GPR143: variants seen among roughly 807,000 people sequenced by gnomAD.
GPR143 encodes the protein G protein-coupled receptor 143, also known as G-protein coupled receptor 143.
A neutral mutation model predicts 27.6 loss-of-function variants in GPR143; 8 were observed. That is an observed-to-expected ratio of 0.29 (90% CI 0.17 to 0.52). The LOEUF is 0.52. Ranked by LOEUF, GPR143 falls within the 20% of genes least tolerant of loss-of-function variation. The probability of loss-of-function intolerance (pLI) is 0.96; values close to 1 mark genes in which losing one functional copy is unlikely to be tolerated. For synonymous variants in GPR143, 156 were observed against 153.2 expected (o/e 1.02, Z -0.13); for missense variants, 303 against 343.1 (o/e 0.88, Z 0.92).
chrX:9,753,419 A>G (rs1171561311), intron 3 of GPR143, among the ~76,000 whole-genome samples: 1 of 110,502 alleles, frequency 9.0e-6, no homozygotes, highest in East Asian at 2.8e-4. Flanking sequence ...TGAAAAAAAA[A>G]AAAAAAACCC....
rs567588715 is a variant in GPR143, at chrX:9,736,280, A to T, written c.1120+3205T>A. 4.5e-5 allele frequency among the ~76,000 whole-genome samples: 5 copies of T among 112,170 alleles called. No individual in the cohort carries two copies. In the East Asian group the frequency reaches 8.4e-4, roughly 19 times the overall value. The stretch of plus-strand genomic sequence containing the variant: ...AAAATGTGAGGTGTCCTAGGCAGCA[A>T]ATTAATTTCTGAATAAAAGCCTTTT... On this transcript the variant is annotated intron_variant, in intron 8 of 8. Transcript: ENST00000467482.
At chrX:9,776,976 A>G (rs1390013902) in intron 1 of GPR143, among the ~76,000 whole-genome samples, 1 of 111,562 alleles carries the variant, frequency 9.0e-6, no homozygotes, top group Admixed American at 9.6e-5. Context: ...CAGATGGTAA[A>G]TTCTTCAAAC....
chrX:9,751,495 C>A (rs894939826), intron 3 of GPR143, among the ~76,000 whole-genome samples: 2 of 112,330 alleles, frequency 1.8e-5, no homozygotes, highest in Non-Finnish European at 3.8e-5. Context: ...TCAGCACGTG[C>A]GAAGGTAATA....
At chrX:9,754,507 C>T (rs1003585631) in intron 3 of GPR143, among the ~76,000 whole-genome samples, 1 of 111,566 alleles carries the variant, frequency 9.0e-6, no homozygotes, top group Non-Finnish European at 1.9e-5. Context: ...ACCCTGACTT[C>T]GGGCTGGGCC....
chrX:9,755,814 T>C (rs1368590055), intron 3 of GPR143, among the ~76,000 whole-genome samples: 1 of 112,204 alleles, frequency 8.9e-6, no homozygotes, highest in Admixed American at 9.5e-5. Flanking sequence ...GAGAAATCTC[T>C]ACCTTGTTTA....
upstream of GPR143, chrX:9,765,862 G>A (rs1030871490): frequency 1.3e-5 from 13 of 1,023,828 alleles, no homozygotes; most frequent in African/African-American, 2.0e-4. Context: ...GGACCCCGCC[G>A]GCCTGCCTGG....
chrX:9,739,718 C>A lies in GPR143; in HGVS notation c.887G>T (p.Gly296Val), dbSNP rs2146684322. The A allele has an allele frequency of 2.9e-5, 33 of 1,124,161 alleles. No homozygotes were observed. The highest frequency in any genetic ancestry group is 4.0e-5 in the Non-Finnish European group (33 of 830,203). 92.6% of individuals were successfully genotyped at this position (1,124,161 alleles called of 1,213,427 possible). A position where few individuals can be genotyped will look rare whatever the true frequency, so the allele number is the denominator to read the frequency against. ...TAAKTTWFIM[G>V]ILNPAQGFLL... ...AAATCCCTGGGCTGGATTCAGGATT[C>A]CCTGGAGAGAGGACAGAAAGACACA... Residue 296 changes from glycine (G) to valine (V), a missense_variant and splice_region_variant, in exon 8 of 9, where the codon GGA (glycine) becomes GTA (valine). Coordinates refer to ENST00000467482, the MANE Select transcript of GPR143 (RefSeq NM_000273.3).
Position 9,725,564 on chromosome X carries a change from G to T in GPR143, c.*182C>A, listed in dbSNP as rs762895639. ...GGCTCTTCCATTCTCACACGTGTGTGCATGAACCCTTTCTCCTATCCTAAA... is the reference window on the plus strand; with the variant it reads ...GGCTCTTCCATTCTCACACGTGTGTTCATGAACCCTTTCTCCTATCCTAAA... On this transcript the variant is annotated 3_prime_UTR_variant, in exon 9 of 9. Transcript: ENST00000467482. 4.6e-6 allele frequency: 2 copies of T among 434,323 alleles called. No homozygotes were observed. Among genetic ancestry groups the T allele is most frequent in the East Asian group, 7.8e-5 (2 of 25,692 alleles). The allele number at this position is 434,323 out of a possible 1,213,427, so 35.8% of individuals were successfully genotyped here.
intron 1 of GPR143, among the ~76,000 whole-genome samples, chrX:9,775,493 T>C (rs2083568250): frequency 9.0e-6 from 1 of 111,596 alleles, no homozygotes; most frequent in African/African-American, 3.3e-5. Context: ...TTCGTAACTC[T>C]CACCTCCACC....
intron 1 of GPR143, among the ~76,000 whole-genome samples, chrX:9,772,709 G>A (rs1178879116): frequency 9.3e-6 from 1 of 107,299 alleles, no homozygotes; most frequent in Non-Finnish European, 1.9e-5. Flanking sequence ...GCTGCTGTTG[G>A]GGGCTGAGGC....
At chrX:9,731,402 A>AAACAGTG (rs2051949077) in intron 8 of GPR143, among the ~76,000 whole-genome samples, 1 of 110,546 alleles carries the variant, frequency 9.0e-6, no homozygotes, top group African/African-American at 3.3e-5. Context: ...CTTAGAAGAG[A>AAACAGTG]AACAGTGGAG....
At chrX:9,761,008 G>C (rs1351977151) in intron 1 of GPR143, among the ~76,000 whole-genome samples, 182 bp from the exon 2 acceptor site, 1 of 110,329 alleles carries the variant, frequency 9.1e-6, no homozygotes, top group Admixed American at 9.7e-5. Flanking sequence ...AAGGAAGAAA[G>C]GAAGAAAAAA....
At chrX:9,768,870 G>A (rs745939649), upstream of GPR143, among the ~76,000 whole-genome samples, 3 of 110,457 alleles carry the variant, frequency 2.7e-5, no homozygotes, top group Non-Finnish European at 3.8e-5. Flanking sequence ...GTAGAGATAG[G>A]TTTCGTCATG....
upstream of GPR143, among the ~76,000 whole-genome samples, chrX:9,769,465 A>T (rs773683821): frequency 1.1e-4 from 12 of 112,165 alleles, no homozygotes; most frequent in Non-Finnish European, 1.7e-4. Context: ...TTATGGTGAG[A>T]CTCAGATATC....
At chrX:9,728,425 T>C (rs2083338575) in intron 8 of GPR143, among the ~76,000 whole-genome samples, 1 of 104,786 alleles carries the variant, frequency 9.5e-6, no homozygotes, top group Non-Finnish European at 1.9e-5. Flanking sequence ...TAGAGTTATA[T>C]AGAAAAGAGG....
At chrX:9,759,576 G>T in intron 2 of GPR143, 150 bp from the exon 3 acceptor site, 1 of 508,293 alleles carries the variant, frequency 2.0e-6, no homozygotes, top group Non-Finnish European at 3.6e-6. Context: ...CACAGTTCCT[G>T]GGACCAAGGA....
At chrX:9,738,515 C>T (rs192785880) in intron 8 of GPR143, 4 of 742,967 alleles carry the variant, frequency 5.4e-6, no homozygotes, top group East Asian at 1.5e-4. Context: ...CCAGACAGTA[C>T]GGTATCATGG....
At chrX:9,762,312 C>T (rs1332458099) in intron 1 of GPR143, among the ~76,000 whole-genome samples, 2 of 109,677 alleles carry the variant, frequency 1.8e-5, no homozygotes, top group Non-Finnish European at 1.9e-5. Flanking sequence ...ATCGCTTGAA[C>T]CTGGGAGGTG....
chrX:9,771,485 T>C (rs2083554536), intron 1 of GPR143, among the ~76,000 whole-genome samples: 1 of 110,732 alleles, frequency 9.0e-6, no homozygotes, highest in African/African-American at 3.3e-5. Context: ...TGATTCAGGG[T>C]TTCTGGGGGT....
Sources: gnomAD v4.1 joint callset for allele counts (sites outside exome capture counted in the v4.1 genomes callset) on GRCh38, gnomAD v4.1.1 for gene constraint, MANE v1.5 for transcripts, NCBI Gene and HGNC (gene_info 2026-07-23, HGNC 2026-07-21) for gene names.